The following PIWIL3 variants were observed in gnomAD, a reference collection of about 807,000 sequenced individuals.
PIWIL3 encodes the protein piwi-like protein 3.
A neutral mutation model predicts 109.7 loss-of-function variants in PIWIL3; 101 were observed. The ratio of observed to expected loss-of-function variants is 0.92; its 90% CI spans 0.78 to 1.09. The LOEUF (loss-of-function observed/expected upper bound fraction) is 1.09, where lower values mean the gene tolerates loss of function less well. Ranked by LOEUF, PIWIL3 falls within the 50% of genes least tolerant of loss-of-function variation. The pLI is 0.00. For synonymous variants in PIWIL3, 373 were observed against 376.4 expected, an observed-to-expected ratio of 0.99 and a Z score of 0.10; for missense variants, 1,031 against 1,072.6, an observed-to-expected ratio of 0.96 and a Z score of 0.54.
Position 24,744,319 on chromosome 22 carries a change from T to G in PIWIL3, c.1449+4588A>C, listed in dbSNP as rs1194583475. The stretch of plus-strand genomic sequence containing the variant: ...CAGGTGCGGTGGCTCATGCCTGTAA[T>G]CCCAGCACTTTGGGAAGCCGAGGCA... On this transcript the variant is annotated intron_variant, in intron 12 of 20. Transcript: ENST00000616349. Among the ~76,000 whole-genome samples the G allele has an allele frequency of 3.3e-5, 5 of 149,666 alleles. No homozygotes were observed. The South Asian group carries it at 6.4e-4, about 19-fold the overall frequency.
chr22:24,720,688 C>G (rs565700189), intron 19 of PIWIL3, among the ~76,000 whole-genome samples: 1 of 152,218 alleles, frequency 6.6e-6, no homozygotes, highest in African/African-American at 2.4e-5. Context: ...TTTATTTGCT[C>G]CATCCTTTAA....
At chr22:24,769,990 T>C (rs142011929) in intron 1 of PIWIL3, among the ~76,000 whole-genome samples, 68 of 152,086 alleles carry the variant, frequency 4.5e-4, no homozygotes, top group Non-Finnish European at 7.9e-4. Flanking sequence ...TAAAGGATAA[T>C]GACAAAAAAA....
In PIWIL3 at chr22:24,735,845, T is replaced by C; in HGVS notation, c.1497A>G (p.Leu499=). 1 of 1,611,850 alleles carries C rather than the reference T, an allele frequency of 6.2e-7. No homozygotes were observed. The highest frequency in any genetic ancestry group is 1.1e-5 in the South Asian group (1 of 90,358). The change falls in exon 13 of 21, where the codon TTA becomes TTG. Residue 499 remains leucine (L), a synonymous_variant. Coordinates refer to ENST00000616349, the MANE Select transcript of PIWIL3 (RefSeq NM_001255975.1). ...GTAGTGGCATTGCATTAAGTAAGGG[T>C]AATTCTCTTATTTCTCTTGACCAGT... ...QGDWSREIRE[L]PLLNAMPLHS...
At chr22:24,739,778 C>T (rs1191651742) in intron 12 of PIWIL3, among the ~76,000 whole-genome samples, 2 of 152,092 alleles carry the variant, frequency 1.3e-5, no homozygotes, top group Non-Finnish European at 2.9e-5. Context: ...GGGCCGGGGG[C>T]GGTGGCTCAT....
At chr22:24,753,964 G>A in intron 8 of PIWIL3, 50 bp downstream of exon 8, 1 of 1,468,546 alleles carries the variant, frequency 6.8e-7, no homozygotes, top group Middle Eastern at 1.8e-4. Context: ...CTTGGGGTGG[G>A]GGAAGGGGGA....
chr22:24,770,169 A>T (rs942888591), intron 1 of PIWIL3, among the ~76,000 whole-genome samples: 1 of 152,212 alleles, frequency 6.6e-6, no homozygotes, highest in African/African-American at 2.4e-5. Context: ...GCAGTGAAGC[A>T]CAGAGGGATG....
intron 16 of PIWIL3, among the ~76,000 whole-genome samples, chr22:24,727,633 T>C (rs997075391): frequency 6.6e-6 from 1 of 152,200 alleles, no homozygotes; most frequent in African/African-American, 2.4e-5. Context: ...CACCTTAATT[T>C]ATGCCTTGTA....
chr22:24,760,449 G>A (rs1925360872), intron 2 of PIWIL3, among the ~76,000 whole-genome samples: 3 of 152,096 alleles, frequency 2.0e-5, no homozygotes, highest in African/African-American at 7.2e-5. Flanking sequence ...GAGATGAAGG[G>A]AAGGAGGTCA....
intron 8 of PIWIL3, 39 bp from the exon 9 acceptor site, chr22:24,751,537 C>T: frequency 6.3e-7 from 1 of 1,596,538 alleles, no homozygotes. Flanking sequence ...TTGACTTATT[C>T]ATCACATGGA....
intron 13 of PIWIL3, 111 bp downstream of exon 13, chr22:24,735,597 A>G: frequency 1.8e-6 from 2 of 1,090,174 alleles, no homozygotes; most frequent in African/African-American, 1.6e-5. Flanking sequence ...TAGACTTTAC[A>G]AACTCTAAGG....
intron 19 of PIWIL3, among the ~76,000 whole-genome samples, chr22:24,721,969 C>T (rs1270495485): frequency 6.6e-6 from 1 of 152,236 alleles, no homozygotes; most frequent in African/African-American, 2.4e-5. Flanking sequence ...TATTTTGTAG[C>T]ATATTCAGTA....
chr22:24,748,877 C>A (rs1378792101), intron 12 of PIWIL3, 30 bp downstream of exon 12: 1 of 1,552,384 alleles, frequency 6.4e-7, no homozygotes, highest in African/African-American at 1.4e-5. Context: ...TTGACCCCAC[C>A]ATGACATGAT....
intron 1 of PIWIL3, among the ~76,000 whole-genome samples, chr22:24,766,476 G>T (rs1343418401): frequency 6.6e-6 from 1 of 151,500 alleles, no homozygotes; most frequent in Non-Finnish European, 1.5e-5. Flanking sequence ...CCGCCACCAG[G>T]CCTGGCTAAT....
chr22:24,730,171 C>T (rs909256123), intron 14 of PIWIL3, among the ~76,000 whole-genome samples: 10 of 151,724 alleles, frequency 6.6e-5, no homozygotes, highest in Non-Finnish European at 1.0e-4. Context: ...TCGAGACCAG[C>T]GTGGCCAATA....
At chr22:24,745,535 A>G (rs1239236867) in intron 12 of PIWIL3, among the ~76,000 whole-genome samples, 1 of 152,128 alleles carries the variant, frequency 6.6e-6, no homozygotes, top group Admixed American at 6.6e-5. Context: ...CAACAGAGTG[A>G]GACTCTGTCT....
rs1922775394 is a variant in PIWIL3, at chr22:24,723,159, A to T, written c.2328T>A (p.Val776=). Residue 776 remains valine (V), a synonymous_variant, in exon 19 of 21, where the codon GTT becomes GTA. Transcript: ENST00000616349. ...SNFQNPPPGT[V]IDVELTRNEW... is the part of the protein sequence containing the mutation. Reference sequence around the variant, plus strand: ...CATTCCTAGTCAACTCTACATCAATAACTGTTCCTGGAGGTGGATTTTGAA... The same window carrying T: ...CATTCCTAGTCAACTCTACATCAATTACTGTTCCTGGAGGTGGATTTTGAA... The T allele has an allele frequency of 1.9e-6, 3 of 1,613,320 alleles. No homozygotes were observed. The highest frequency in any genetic ancestry group is 1.1e-5 in the South Asian group (1 of 91,088).
In PIWIL3 at chr22:24,740,218, C is replaced by CAAAAAAAAAA. The variant is rs71189272; in HGVS notation, c.1450-4336_1450-4327dup. ...CCTGGGCAACGGAGGGAGACTGTCT[C>CAAAAAAAAAA]AAAAAAAAAAAAAAAATTTCTAAAA... On this transcript the variant is annotated intron_variant, in intron 12 of 20. Transcript: ENST00000616349. Among the ~76,000 whole-genome samples, 188 of 63,852 alleles carry CAAAAAAAAAA rather than the reference C, an allele frequency of 2.9e-3. 15 individuals are homozygous for CAAAAAAAAAA. The highest frequency in any genetic ancestry group is 6.5e-3 in the African/African-American group (107 of 16,416). The allele number at this position is 63,852 out of a possible 152,430, so 41.9% of individuals were successfully genotyped here. A position where few individuals can be genotyped will look rare whatever the true frequency, so the allele number is the denominator to read the frequency against.
intron 12 of PIWIL3, among the ~76,000 whole-genome samples, chr22:24,737,840 C>T (rs1923755365): frequency 6.6e-6 from 1 of 152,064 alleles, no homozygotes; most frequent in Admixed American, 6.6e-5. Flanking sequence ...GTGGTGGTGG[C>T]CATGGGGTGA....
chr22:24,755,895 C>A lies in PIWIL3; in HGVS notation c.581G>T (p.Trp194Leu). Residue 194 changes from tryptophan to leucine, a missense_variant, in exon 6 of 21, where the codon TGG (tryptophan) becomes TTG (leucine). Trp to Leu is a moderately conservative substitution (Grantham distance 61, BLOSUM62 -2). Transcript: ENST00000616349. ...SRPLKERRVE[W>L]LSTTKDKNIV... ...GTTTTTGTCTTTGGTTGTGCTCAAC[C>A]ATTCCACTCTCTGAGATTAAAAAAA... The A allele has an allele frequency of 1.2e-6, 2 of 1,611,366 alleles. No homozygotes were observed. The highest frequency in any genetic ancestry group is 1.7e-6 in the Non-Finnish European group (2 of 1,178,782).
Sources: allele counts gnomAD v4.1 joint callset (sites outside exome capture counted in the v4.1 genomes callset), GRCh38; gene constraint gnomAD v4.1.1; transcripts MANE v1.5; gene names NCBI Gene and HGNC (gene_info 2026-07-23, HGNC 2026-07-21).